The following HMGCLL1 variants were observed in gnomAD, a reference collection of about 807,000 sequenced individuals.
HMGCLL1 encodes the protein 3-hydroxymethyl-3-methylglutaryl-CoA lyase, cytoplasmic.
Under a neutral mutation model 39.1 loss-of-function variants are expected in HMGCLL1, and 36 were observed. The observed-to-expected ratio is 0.92, with a 90% CI of 0.71 to 1.22. HMGCLL1 has a LOEUF of 1.22. Among genes scored for constraint, HMGCLL1 ranks in the 50% most tolerant of loss-of-function variants. The pLI is 0.00. For missense variants in HMGCLL1, 451 were observed against 416.5 expected, an observed-to-expected ratio of 1.08 and a Z score of -0.72; for synonymous variants, 149 against 144.0, an observed-to-expected ratio of 1.03 and a Z score of -0.25.
chr6:55,621,531 G>T, the HMGCLL1 span, among the ~76,000 whole-genome samples: 2 of 151,862 alleles, frequency 1.3e-5, no homozygotes, highest in Admixed American at 6.6e-5. Flanking sequence ...ACCTGCCCAT[G>T]TGAGCAATCT....
chr6:55,638,594 T>G, the HMGCLL1 span, among the ~76,000 whole-genome samples: 21 of 152,128 alleles, frequency 1.4e-4, no homozygotes, highest in Non-Finnish European at 2.8e-4. Flanking sequence ...AAATGAGTCC[T>G]GGATTCTTTT....
At chr6:55,559,992 G>A (rs1770863713) in intron 1 of HMGCLL1, among the ~76,000 whole-genome samples, 1 of 152,134 alleles carries the variant, frequency 6.6e-6, no homozygotes, top group South Asian at 2.1e-4. Flanking sequence ...ATAGAGCTTT[G>A]TTAATATATA....
At chr6:55,489,227 C>T (rs901301221) in intron 7 of HMGCLL1, among the ~76,000 whole-genome samples, 2 of 151,974 alleles carry the variant, frequency 1.3e-5, no homozygotes, top group Non-Finnish European at 2.9e-5. Context: ...GTGTTTTATG[C>T]AAACACCATG....
chr6:55,558,879 C>T (rs1042837171), intron 1 of HMGCLL1, among the ~76,000 whole-genome samples: 2 of 152,166 alleles, frequency 1.3e-5, no homozygotes, highest in African/African-American at 4.8e-5. Context: ...CTACTCCTTC[C>T]AAATCTCAAT....
chr6:55,586,397 G>GTTTT, the HMGCLL1 span, among the ~76,000 whole-genome samples: 21 of 150,316 alleles, frequency 1.4e-4, no homozygotes, highest in South Asian at 6.3e-4. Context: ...ATGGAAATCA[G>GTTTT]TTTTTTTTTT....
At chr6:55,556,173 C>T (rs1770656823) in intron 1 of HMGCLL1, among the ~76,000 whole-genome samples, 1 of 152,028 alleles carries the variant, frequency 6.6e-6, no homozygotes, top group African/African-American at 2.4e-5. Context: ...ACAAAAGTCC[C>T]TGTCTTCACA....
At chr6:55,637,359 G>T in the HMGCLL1 span, among the ~76,000 whole-genome samples, 5 of 152,056 alleles carry the variant, frequency 3.3e-5, no homozygotes, top group Non-Finnish European at 7.4e-5. Flanking sequence ...GTTACTTCGG[G>T]TTACTTTTTA....
At chr6:55,574,427 C>A (rs1023171332) in intron 1 of HMGCLL1, among the ~76,000 whole-genome samples, 1 of 151,660 alleles carries the variant, frequency 6.6e-6, no homozygotes, top group African/African-American at 2.4e-5. Context: ...GTCATATTTG[C>A]ATTTTTAATA....
chr6:55,510,480 T>C (rs534097051), intron 5 of HMGCLL1, among the ~76,000 whole-genome samples: 2 of 151,628 alleles, frequency 1.3e-5, no homozygotes, highest in African/African-American at 4.8e-5. Flanking sequence ...GATGAGTTCA[T>C]GTCCTTTGTA....
intron 1 of HMGCLL1, among the ~76,000 whole-genome samples, chr6:55,568,370 C>T (rs768516033): frequency 1.4e-4 from 21 of 152,110 alleles, no homozygotes; most frequent in Non-Finnish European, 2.6e-4. Context: ...ATCCAGTGTT[C>T]AGAAATGGTC....
chr6:55,476,977 G>A lies in HMGCLL1; in HGVS notation c.795+18442C>T, dbSNP rs191201631. ...CAAATTATGAATTCGCTGTCCTTAT[G>A]TGTAAGCCTTGTTTATAAAAATTAT... On this transcript the variant is annotated intron_variant, in intron 7 of 8. Transcript: ENST00000274901. 1.1e-4 allele frequency among the ~76,000 whole-genome samples: 12 copies of A among 111,188 alleles called. 1 individual carries two copies. Among genetic ancestry groups the A allele is most frequent in the African/African-American group, 3.1e-4 (11 of 35,232 alleles). 72.9% of individuals were successfully genotyped at this position (111,188 alleles called of 152,430 possible). A position where few individuals can be genotyped will look rare whatever the true frequency, so the allele number is the denominator to read the frequency against.
chr6:55,633,477 T>TA, the HMGCLL1 span, among the ~76,000 whole-genome samples: 914 of 150,356 alleles, frequency 6.1e-3, 4 homozygotes, highest in Non-Finnish European at 0.01. Context: ...CATGGAATAA[T>TA]AAAAAAAACA....
At chr6:55,467,292 C>A (rs1204061221) in intron 7 of HMGCLL1, among the ~76,000 whole-genome samples, 1 of 152,014 alleles carries the variant, frequency 6.6e-6, no homozygotes, top group Non-Finnish European at 1.5e-5. Flanking sequence ...CCATGTAATA[C>A]AAAATATATT....
Position 55,495,597 on chromosome 6 carries a change from C to G in HMGCLL1, c.617G>C (p.Arg206Thr). Residue 206 changes from arginine (R) to threonine (T), a missense_variant, in exon 7 of 9, where the codon AGA becomes ACA. Physicochemically the swap from Arg to Thr is moderately conservative, Grantham distance 71. Transcript: ENST00000274901. ...CTCATAACAACCCATGCCGTACAAT[C>G]TCTTAGACACCTGTTGATAAAGGTG... ...TPQKVTEVSK[R>T]LYGMGCYEIS... 6.2e-7 allele frequency: 1 copy of G among 1,600,504 alleles called. No individual in the cohort carries two copies. Among genetic ancestry groups the G allele is most frequent in the Non-Finnish European group, 8.5e-7 (1 of 1,173,640 alleles).
intron 7 of HMGCLL1, among the ~76,000 whole-genome samples, chr6:55,448,246 C>G (rs1284196957): frequency 6.6e-6 from 1 of 151,258 alleles, no homozygotes; most frequent in Non-Finnish European, 1.5e-5. Flanking sequence ...AAAATAGAGA[C>G]AGAGTTGATA....
chr6:55,619,838 C>T, the HMGCLL1 span, among the ~76,000 whole-genome samples: 3 of 151,978 alleles, frequency 2.0e-5, no homozygotes, highest in South Asian at 2.1e-4. Flanking sequence ...ATGCCCACAC[C>T]GCCCCCGCTC....
At chr6:55,448,294 T>C (rs1471837272) in intron 7 of HMGCLL1, among the ~76,000 whole-genome samples, 2 of 150,448 alleles carry the variant, frequency 1.3e-5, no homozygotes, top group Non-Finnish European at 3.0e-5. Flanking sequence ...TAGTAAAATA[T>C]TTCTGTATAA....
At chr6:55,599,818 T>C in the HMGCLL1 span, among the ~76,000 whole-genome samples, 1 of 152,098 alleles carries the variant, frequency 6.6e-6, no homozygotes, top group Non-Finnish European at 1.5e-5. Flanking sequence ...TGAAAACAAA[T>C]GTACTGCCAC....
the HMGCLL1 span, among the ~76,000 whole-genome samples, chr6:55,631,308 T>C: frequency 2.8e-4 from 42 of 152,242 alleles, no homozygotes; most frequent in Admixed American, 7.2e-4. Context: ...AAGACTTTTT[T>C]TTATATGCAT....
Sources: allele counts gnomAD v4.1 joint callset (sites outside exome capture counted in the v4.1 genomes callset), GRCh38; gene constraint gnomAD v4.1.1; transcripts MANE v1.5; gene names NCBI Gene and HGNC (gene_info 2026-07-23, HGNC 2026-07-21).